The following EFR3A variants were observed in gnomAD, a reference collection of about 807,000 sequenced individuals.
The protein encoded by EFR3A is protein EFR3 homolog A.
EFR3A carries 76 observed loss-of-function variants against 104.4 expected under a neutral mutation model. The ratio of observed to expected loss-of-function variants is 0.73; its 90% CI spans 0.60 to 0.88. The LOEUF is 0.88. Among genes scored for constraint, EFR3A ranks in the 40% least tolerant of loss-of-function variants. EFR3A has a pLI of 0.00. For synonymous variants in EFR3A, 330 were observed against 330.0 expected (o/e 1.00, Z 0.00); for missense variants, 985 against 1,012.5 (o/e 0.97, Z 0.37).
At chr8:131,989,257 T>C (rs1436692214) in intron 18 of EFR3A, among the ~76,000 whole-genome samples, 3 of 152,192 alleles carry the variant, frequency 2.0e-5, no homozygotes, top group Non-Finnish European at 4.4e-5. Context: ...AATTTCCTTT[T>C]GCTGTGTAAC....
chr8:132,010,700 T>C, intron 22 of EFR3A, 90 bp from the exon 23 acceptor site: 1 of 1,460,118 alleles, frequency 6.8e-7, no homozygotes, highest in South Asian at 1.3e-5. Context: ...GGAGTCTGAC[T>C]TTGATATTCG....
At chr8:131,927,578 C>T (rs1431074164) in intron 1 of EFR3A, among the ~76,000 whole-genome samples, 1 of 152,064 alleles carries the variant, frequency 6.6e-6, no homozygotes, top group East Asian at 1.9e-4. Context: ...ACATGGGCAG[C>T]AAAGTCGGTA....
At chr8:131,914,523 G>A (rs16904548) in intron 1 of EFR3A, among the ~76,000 whole-genome samples, 39,062 of 152,026 alleles carry the variant, frequency 0.26, 5,379 homozygotes, top group East Asian at 0.44. Flanking sequence ...TTTTAGAGCC[G>A]AGTTTTCAAA....
intron 1 of EFR3A, among the ~76,000 whole-genome samples, chr8:131,914,809 C>T (rs1223732516): frequency 2.6e-5 from 4 of 152,100 alleles, no homozygotes. Flanking sequence ...TCTCTTTTCC[C>T]ACCCTCCACC....
At chr8:131,910,594 G>T (rs1407174021) in intron 1 of EFR3A, among the ~76,000 whole-genome samples, 2 of 152,192 alleles carry the variant, frequency 1.3e-5, no homozygotes, top group South Asian at 2.1e-4. Flanking sequence ...TTCTAGGGCA[G>T]TGATTTTCAG....
intron 15 of EFR3A, 46 bp downstream of exon 15, chr8:131,984,346 C>T: frequency 6.9e-7 from 1 of 1,447,584 alleles, no homozygotes; most frequent in Non-Finnish European, 9.1e-7. Context: ...TTTTATAAAG[C>T]AGACAACATC....
intron 1 of EFR3A, among the ~76,000 whole-genome samples, chr8:131,920,726 A>G (rs1360088861): frequency 2.0e-5 from 3 of 151,428 alleles, no homozygotes; most frequent in Non-Finnish European, 4.4e-5. Context: ...GAAAGGCAGT[A>G]TAGTGTATAG....
intron 2 of EFR3A, among the ~76,000 whole-genome samples, chr8:131,941,653 G>A (rs750562668): frequency 1.3e-5 from 2 of 152,096 alleles, no homozygotes; most frequent in Non-Finnish European, 2.9e-5. Context: ...AAATCAGTAA[G>A]TAAAATGCTA....
At chr8:131,984,873 A>G in intron 15 of EFR3A, 56 bp from the exon 16 acceptor site, 1 of 1,479,698 alleles carries the variant, frequency 6.8e-7, no homozygotes, top group East Asian at 2.4e-5. Flanking sequence ...AATCAGAGAA[A>G]ATGCTGGTGA....
intron 6 of EFR3A, among the ~76,000 whole-genome samples, chr8:131,954,484 A>G (rs1396028236): frequency 6.6e-6 from 1 of 151,970 alleles, no homozygotes; most frequent in Non-Finnish European, 1.5e-5. Context: ...GTTTTAGGAT[A>G]TAGGCTTATT....
rs771543944 is a variant in EFR3A, at chr8:131,984,893, A to T, written c.1738-36A>T. The T allele has an allele frequency of 2.5e-6, 4 of 1,582,346 alleles. No individual in the cohort carries two copies. The Admixed American group carries it at 7.0e-5, about 28-fold the overall frequency. On this transcript the variant is annotated intron_variant, in intron 15 of 22. Coordinates refer to ENST00000254624, the MANE Select transcript of EFR3A (RefSeq NM_015137.6). ...GAGAAAATGCTGGTGAAGTATAAGA[A>T]CTTGATCTCTCTGATGTGTTTGTTT...
intron 1 of EFR3A, among the ~76,000 whole-genome samples, chr8:131,915,966 T>G (rs944815344): frequency 6.6e-6 from 1 of 152,140 alleles, no homozygotes; most frequent in African/African-American, 2.4e-5. Flanking sequence ...AACAGGGGTG[T>G]CGTCCCTGCC....
At chr8:131,934,720 A>T (rs999959448) in intron 1 of EFR3A, among the ~76,000 whole-genome samples, 1 of 151,836 alleles carries the variant, frequency 6.6e-6, no homozygotes, top group Non-Finnish European at 1.5e-5. Flanking sequence ...AGCTCTGTTG[A>T]GTAATTAATT....
At chr8:131,940,066 G>GC (rs1818087488) in intron 1 of EFR3A, 1 of 168,070 alleles carries the variant, frequency 5.9e-6, no homozygotes. Flanking sequence ...ACTTGGGCAT[G>GC]CCCCAGGCAG....
Position 131,970,547 on chromosome 8 carries a change from G to A in EFR3A, c.1063G>A (p.Asp355Asn). The change falls in exon 10 of 23, where the codon GAT (aspartate) becomes AAT (asparagine). Residue 355 changes from aspartate (D) to asparagine (N), a missense_variant. Coordinates refer to ENST00000254624, the MANE Select transcript of EFR3A (RefSeq NM_015137.6). Reference sequence around the variant, plus strand: ...TCTCAGCGTTGAATTCGAAGCAAATGATTTACAGGGGGGATCTGTAGGCAG... The same window carrying A: ...TCTCAGCGTTGAATTCGAAGCAAATAATTTACAGGGGGGATCTGTAGGCAG... ...LRLSVEFEAN[D>N]LQGGSVGSVN... 1 of 1,613,868 alleles carries A rather than the reference G, an allele frequency of 6.2e-7. No individual in the cohort carries two copies. Among genetic ancestry groups the A allele is most frequent in the South Asian group, 1.1e-5 (1 of 91,070 alleles).
intron 8 of EFR3A, among the ~76,000 whole-genome samples, chr8:131,962,627 A>G (rs1264915034): frequency 6.6e-6 from 1 of 152,158 alleles, no homozygotes; most frequent in Non-Finnish European, 1.5e-5. Flanking sequence ...TTAACACCCC[A>G]CTGTCAACAT....
chr8:131,932,074 G>A (rs771333569), intron 1 of EFR3A, among the ~76,000 whole-genome samples: 2 of 152,010 alleles, frequency 1.3e-5, no homozygotes, highest in Non-Finnish European at 2.9e-5. Flanking sequence ...TGATTTGCAA[G>A]TTGAGTTCTT....
chr8:131,987,965 T>C (rs1037877817), intron 18 of EFR3A, among the ~76,000 whole-genome samples: 3 of 152,170 alleles, frequency 2.0e-5, no homozygotes, highest in South Asian at 2.1e-4. Flanking sequence ...TAATATTTTA[T>C]TTAATAGTAT....
intron 22 of EFR3A, among the ~76,000 whole-genome samples, chr8:132,007,404 A>G (rs573531065): frequency 7.2e-5 from 11 of 152,060 alleles, no homozygotes; most frequent in Non-Finnish European, 1.2e-4. Context: ...CATTAAAAAA[A>G]TTAGCCATAA....
Sources: gnomAD v4.1 joint callset for allele counts (sites outside exome capture counted in the v4.1 genomes callset) on GRCh38, gnomAD v4.1.1 for gene constraint, MANE v1.5 for transcripts, NCBI Gene and HGNC (gene_info 2026-07-23, HGNC 2026-07-21) for gene names.